DDB2: variants seen among roughly 807,000 people sequenced by gnomAD.
DDB2 encodes the protein DNA damage-binding protein 2.
DDB2 carries 27 observed loss-of-function variants against 50.5 expected under a neutral mutation model. The observed-to-expected ratio is 0.53, with a 90% CI of 0.39 to 0.74. The LOEUF is 0.74. DDB2 is among the 30% of genes least tolerant of loss of function. DDB2 has a pLI of 0.00. For synonymous variants in DDB2, 176 were observed against 205.5 expected (o/e 0.86, Z 1.23); for missense variants, 424 against 545.6 (o/e 0.78, Z 2.22).
At chr11:47,222,361 A>G (rs937684166) in intron 3 of DDB2, among the ~76,000 whole-genome samples, 2 of 150,592 alleles carry the variant, frequency 1.3e-5, no homozygotes, top group African/African-American at 4.9e-5. Context: ...ATAATGGTTC[A>G]TTGTTTTTTG....
At chr11:47,237,693 C>G in intron 7 of DDB2, 144 bp from the exon 8 acceptor site, 2 of 819,572 alleles carry the variant, frequency 2.4e-6, no homozygotes, top group Non-Finnish European at 4.1e-6. Flanking sequence ...CCTCAGCCTC[C>G]CAAAGTGTTG....
At chr11:47,238,065 A>G in intron 8 of DDB2, 64 bp downstream of exon 8, 1 of 1,612,884 alleles carries the variant, frequency 6.2e-7, no homozygotes, top group Non-Finnish European at 8.5e-7. Flanking sequence ...TTATTGACCA[A>G]AAGTGACCAG....
At chr11:47,220,374 G>A (rs954390945) in intron 3 of DDB2, 4 of 152,234 alleles carry the variant, frequency 2.6e-5, no homozygotes, top group African/African-American at 7.2e-5. Flanking sequence ...AGGAGTCTAG[G>A]ACATGGGAAT....
intron 4 of DDB2, among the ~76,000 whole-genome samples, chr11:47,233,818 G>C (rs1193470699): frequency 6.6e-6 from 1 of 152,184 alleles, no homozygotes; most frequent in Non-Finnish European, 1.5e-5. Flanking sequence ...GGTGTAACTA[G>C]CATTGGATTG....
In DDB2 at chr11:47,216,943, T is replaced by C; in HGVS notation, c.350T>C (p.Leu117Ser). The C allele has an allele frequency of 6.2e-7, 1 of 1,614,154 alleles. No homozygotes were observed. The highest frequency in any genetic ancestry group is 8.5e-7 in the Non-Finnish European group (1 of 1,180,010). Residue 117 changes from leucine to serine, a missense_variant, in exon 3 of 10, where the codon TTG (leucine) becomes TCG (serine). Transcript: ENST00000256996. ...CCCTTTGACAGGAGGGCTACATCCT[T>C]GGCGTGGCACCCAACTCACCCCAGC... ...AAPFDRRATS[L>S]AWHPTHPSTV...
chr11:47,234,960 C>A, intron 6 of DDB2, 26 bp downstream of exon 6: 3 of 1,612,734 alleles, frequency 1.9e-6, no homozygotes, highest in Non-Finnish European at 2.5e-6. Flanking sequence ...CCTCATCTCT[C>A]CTGCAGACCC....
chr11:47,238,135 C>A lies in DDB2; in HGVS notation c.1189-3C>A. 6.2e-7 allele frequency: 1 copy of A among 1,612,602 alleles called. No homozygotes were observed. Among genetic ancestry groups the A allele is most frequent in the Non-Finnish European group, 8.5e-7 (1 of 1,179,218 alleles). Reference sequence around the variant, plus strand: ...CCTCATGTTGACACTCTTGTCTCTGCAGCTTAATGAATTCAATCCCATGGG... The same window carrying A: ...CCTCATGTTGACACTCTTGTCTCTGAAGCTTAATGAATTCAATCCCATGGG... On this transcript the variant is annotated splice_region_variant and splice_polypyrimidine_tract_variant and intron_variant, in intron 8 of 9. Transcript: ENST00000256996.
chr11:47,217,496 C>T (rs1953417927), intron 3 of DDB2: 1 of 153,390 alleles, frequency 6.5e-6, no homozygotes, highest in Non-Finnish European at 1.5e-5. Flanking sequence ...TCAAAATTAA[C>T]TGTGGGCATT....
At chr11:47,227,993 A>G (rs1031592092) in intron 3 of DDB2, among the ~76,000 whole-genome samples, 1 of 151,790 alleles carries the variant, frequency 6.6e-6, no homozygotes, top group Non-Finnish European at 1.5e-5. Flanking sequence ...TGCAAAAATT[A>G]GCTGGGCGTG....
chr11:47,221,064 G>C (rs1209910745), intron 3 of DDB2, among the ~76,000 whole-genome samples: 1 of 151,926 alleles, frequency 6.6e-6, no homozygotes, highest in African/African-American at 2.4e-5. Flanking sequence ...TCAGGAATCT[G>C]AGGCAGGAGA....
intron 3 of DDB2, among the ~76,000 whole-genome samples, chr11:47,231,119 C>CAAAAA (rs139290057): frequency 1.1e-3 from 63 of 58,276 alleles, no homozygotes; most frequent in South Asian, 2.3e-3. Flanking sequence ...GCCTTCATCT[C>CAAAAA]AAAAAAAAAA....
chr11:47,229,339 C>T (rs1046759718), intron 3 of DDB2, among the ~76,000 whole-genome samples: 10 of 151,966 alleles, frequency 6.6e-5, no homozygotes, highest in East Asian at 5.8e-4. Flanking sequence ...AGTGGGGTGG[C>T]GGAGTCAAGT....
At chr11:47,226,276 T>TTC (rs969736327) in intron 3 of DDB2, among the ~76,000 whole-genome samples, 7 of 142,476 alleles carry the variant, frequency 4.9e-5, no homozygotes, top group Non-Finnish European at 9.4e-5. Context: ...AACATTTATT[T>TTC]TCTTTTTTTT....
At chr11:47,222,853 A>G (rs1953506017) in intron 3 of DDB2, among the ~76,000 whole-genome samples, 1 of 152,244 alleles carries the variant, frequency 6.6e-6, no homozygotes, top group African/African-American at 2.4e-5. Context: ...ATACTTTTTA[A>G]ATGAGAAAAG....
intron 3 of DDB2, among the ~76,000 whole-genome samples, chr11:47,225,630 C>T (rs533738977): frequency 2.4e-4 from 37 of 151,780 alleles, no homozygotes; most frequent in Non-Finnish European, 3.8e-4. Flanking sequence ...GTAGAAAACA[C>T]GTAAAACAAT....
At chr11:47,215,382 G>A (rs1233558522) in intron 1 of DDB2, 119 bp downstream of exon 1, 7 of 1,486,966 alleles carry the variant, frequency 4.7e-6, no homozygotes, top group East Asian at 2.3e-5. Flanking sequence ...GGGTGCCTCC[G>A]GCTGTGCATT....
At chr11:47,232,293 G>C (rs772790115) in intron 3 of DDB2, among the ~76,000 whole-genome samples, 1 of 151,940 alleles carries the variant, frequency 6.6e-6, no homozygotes, top group Non-Finnish European at 1.5e-5. Flanking sequence ...GCAGTGAGCC[G>C]AGGTCGTGAC....
Position 47,215,145 on chromosome 11 carries a change from C to T in DDB2, c.9C>T (p.Pro3=). 6.2e-7 allele frequency: 1 copy of T among 1,614,062 alleles called. No homozygotes were observed. Among genetic ancestry groups the T allele is most frequent in the Non-Finnish European group, 8.5e-7 (1 of 1,180,020 alleles). MA[P]KKRPETQKTS... is the part of the protein sequence containing the mutation. The stretch of plus-strand genomic sequence containing the variant: ...TTCACACGGAGGACGCGATGGCTCC[C>T]AAGAAACGCCCAGAAACCCAGAAGA... Residue 3 remains proline, a synonymous_variant, in exon 1 of 10, where the codon CCC becomes CCT. Transcript: ENST00000256996.
intron 3 of DDB2, among the ~76,000 whole-genome samples, chr11:47,231,814 C>T (rs1953653899): frequency 1.3e-5 from 2 of 152,094 alleles, no homozygotes; most frequent in Admixed American, 6.6e-5. Context: ...GTCTATAGGA[C>T]ATTCTATGAG....
Sources: gnomAD v4.1 joint callset for allele counts (sites outside exome capture counted in the v4.1 genomes callset) on GRCh38, gnomAD v4.1.1 for gene constraint, MANE v1.5 for transcripts, NCBI Gene and HGNC (gene_info 2026-07-23, HGNC 2026-07-21) for gene names.